ZNRF3: variants seen among roughly 807,000 people sequenced by gnomAD.
ZNRF3 encodes the protein E3 ubiquitin-protein ligase ZNRF3.
ZNRF3 carries 23 observed loss-of-function variants against 72.5 expected under a neutral mutation model. The observed-to-expected ratio is 0.32, with a 90% CI of 0.23 to 0.45. ZNRF3 has a LOEUF of 0.45. Ranked by LOEUF, ZNRF3 falls within the 20% of genes least tolerant of loss-of-function variation. The pLI, the probability that ZNRF3 is intolerant of heterozygous loss-of-function variation, is 1.00. For missense variants in ZNRF3, 1,169 were observed against 1,272.1 expected, an observed-to-expected ratio of 0.92 and a Z score of 1.23; for synonymous variants, 610 against 545.3, an observed-to-expected ratio of 1.12 and a Z score of -1.65.
chr22:29,049,814 G>A lies in ZNRF3; in HGVS notation c.1633G>A (p.Asp545Asn), dbSNP rs1470548694. 1.2e-6 allele frequency: 2 copies of A among 1,607,816 alleles called. No individual in the cohort carries two copies. ...CTCGGTGTGCAGTGGCTACCTGGCCGACTGCCCAGGCAGCGACAGCAGCAG... is the reference window on the plus strand; with the variant it reads ...CTCGGTGTGCAGTGGCTACCTGGCCAACTGCCCAGGCAGCGACAGCAGCAG... ...HRSVCSGYLA[D>N]CPGSDSSSSS... is the part of the protein sequence containing the mutation. Residue 545 changes from aspartate (D) to asparagine (N), a missense_variant, in exon 8 of 9, where the codon GAC becomes AAC. Asp to Asn is a conservative substitution (Grantham distance 23). This residue lies in a region of ZNRF3 where 783 missense variants were observed against 731.4 expected (regional missense o/e 1.07). Transcript: ENST00000544604. The surrounding 1 kb of genome is among the most constrained non-coding windows in gnomAD (Gnocchi z 5.2).
chr22:28,946,169 A>G (rs951115218), intron 1 of ZNRF3, among the ~76,000 whole-genome samples: 1 of 152,206 alleles, frequency 6.6e-6, no homozygotes, highest in Non-Finnish European at 1.5e-5. Context: ...CCCAGCCTGT[A>G]GTTTTATAAG....
chr22:28,895,589 C>T (rs1431943481), intron 1 of ZNRF3, among the ~76,000 whole-genome samples: 1 of 152,092 alleles, frequency 6.6e-6, no homozygotes, highest in Non-Finnish European at 1.5e-5. Context: ...ATGGCATGAA[C>T]CTGGGTGGCG....
intron 2 of ZNRF3, among the ~76,000 whole-genome samples, chr22:29,040,868 C>CT (rs774441452): frequency 8.5e-5 from 13 of 152,194 alleles, no homozygotes; most frequent in South Asian, 8.3e-4. Context: ...AGACTGCCCT[C>CT]TAGTGGGCCA....
At chr22:29,015,491 G>A (rs1445137069) in intron 2 of ZNRF3, among the ~76,000 whole-genome samples, 2 of 152,006 alleles carry the variant, frequency 1.3e-5, no homozygotes, top group Non-Finnish European at 2.9e-5. Context: ...CCAACATGGC[G>A]AAACCCTGTC....
chr22:28,884,819 G>C (rs2033746561), intron 1 of ZNRF3, among the ~76,000 whole-genome samples: 2 of 152,210 alleles, frequency 1.3e-5, no homozygotes, highest in Admixed American at 1.3e-4. Context: ...AAATGAAAGA[G>C]ATCTACATTC....
At chr22:28,898,196 C>G (rs914803082) in intron 1 of ZNRF3, among the ~76,000 whole-genome samples, 2 of 151,976 alleles carry the variant, frequency 1.3e-5, no homozygotes, top group East Asian at 1.9e-4. Flanking sequence ...GATCTATGCA[C>G]CTCGGCCTCC....
intron 2 of ZNRF3, among the ~76,000 whole-genome samples, chr22:28,994,988 C>G (rs182799394): frequency 6.6e-6 from 1 of 152,306 alleles, no homozygotes; most frequent in East Asian, 1.9e-4. Flanking sequence ...AGAGACCAAA[C>G]CCTTCTTTGT....
At chr22:28,891,682 T>C (rs1194636975) in intron 1 of ZNRF3, among the ~76,000 whole-genome samples, 4 of 152,238 alleles carry the variant, frequency 2.6e-5, no homozygotes, top group African/African-American at 7.2e-5. Context: ...CACTTCACAC[T>C]TTCTTATGAT....
At chr22:29,019,363 T>A (rs2036489635) in intron 2 of ZNRF3, among the ~76,000 whole-genome samples, 1 of 152,228 alleles carries the variant, frequency 6.6e-6, no homozygotes, top group South Asian at 2.1e-4. Flanking sequence ...TTTGATTCTT[T>A]GTGTCAATCA....
intron 1 of ZNRF3, among the ~76,000 whole-genome samples, chr22:28,910,261 G>C (rs989150790): frequency 5.3e-5 from 8 of 151,906 alleles, no homozygotes; most frequent in Non-Finnish European, 1.0e-4. Flanking sequence ...GATTGGTCTC[G>C]AACTCCTGAC....
chr22:28,971,149 A>G (rs1377399153), intron 1 of ZNRF3, among the ~76,000 whole-genome samples: 1 of 152,124 alleles, frequency 6.6e-6, no homozygotes, highest in Non-Finnish European at 1.5e-5. Context: ...TGATGGTGCC[A>G]CTGTACCCCA....
At chr22:28,944,346 A>T (rs1357532867) in intron 1 of ZNRF3, among the ~76,000 whole-genome samples, 1 of 151,872 alleles carries the variant, frequency 6.6e-6, no homozygotes, top group Non-Finnish European at 1.5e-5. Context: ...ACTTTGGCTG[A>T]GTGCAGTGGC....
chr22:28,987,382 A>G (rs2035873555), intron 2 of ZNRF3, among the ~76,000 whole-genome samples, 181 bp downstream of exon 2: 1 of 152,242 alleles, frequency 6.6e-6, no homozygotes, highest in African/African-American at 2.4e-5. Flanking sequence ...AGTGTTTACA[A>G]GCCCAGACTG....
intron 1 of ZNRF3, among the ~76,000 whole-genome samples, chr22:28,912,293 A>G (rs938320467): frequency 6.6e-6 from 1 of 152,224 alleles, no homozygotes; most frequent in Non-Finnish European, 1.5e-5. Context: ...GGGCCAGTCC[A>G]GGCAGAATTT....
intron 1 of ZNRF3, among the ~76,000 whole-genome samples, chr22:28,972,256 T>G (rs2035588833): frequency 6.6e-6 from 1 of 152,212 alleles, no homozygotes; most frequent in Non-Finnish European, 1.5e-5. Flanking sequence ...CCTGTACCTT[T>G]TAACTCTCAC....
At chr22:28,937,201 ATATATATATATATATTTTTTTTTTTTTTT>A (rs1244414418) in intron 1 of ZNRF3, among the ~76,000 whole-genome samples, 4 of 4,416 alleles carry the variant, frequency 9.1e-4, no homozygotes, top group South Asian at 5.0e-3. Context: ...ATATATATAT[ATATATATATATATATTTTTTTTTTTTTTT>A]TTTTTTTTAA....
intron 2 of ZNRF3, chr22:29,031,669 A>T: frequency 1.0e-6 from 1 of 979,962 alleles, no homozygotes; most frequent in African/African-American, 1.7e-5. Flanking sequence ...CTCCAGAGGG[A>T]GGGGGATAAC....
chr22:29,042,855 A>G (rs1362422819), intron 3 of ZNRF3, among the ~76,000 whole-genome samples: 1 of 151,146 alleles, frequency 6.6e-6, no homozygotes. Flanking sequence ...GCTCACTGCA[A>G]TCTCCACCTC....
chr22:29,009,485 G>A (rs536386068), intron 2 of ZNRF3, among the ~76,000 whole-genome samples: 4 of 152,152 alleles, frequency 2.6e-5, no homozygotes, highest in African/African-American at 9.7e-5. Context: ...AGTAGTGCGC[G>A]GTGGAGGGAG....
Sources: allele counts gnomAD v4.1 joint callset (sites outside exome capture counted in the v4.1 genomes callset), GRCh38; gene constraint gnomAD v4.1.1; regional missense constraint gnomAD v4.1.1; non-coding constraint Gnocchi (gnomAD v3.1); transcripts MANE v1.5; gene names NCBI Gene and HGNC (gene_info 2026-07-23, HGNC 2026-07-21).